The following HEBP1 variants were observed in gnomAD, a reference collection of about 807,000 sequenced individuals.
The protein encoded by HEBP1 is heme-binding protein 1.
A neutral mutation model predicts 20.4 loss-of-function variants in HEBP1; 13 were observed. The ratio of observed to expected loss-of-function variants is 0.64; its 90% CI spans 0.42 to 1.01. HEBP1 has a LOEUF of 1.01. Ranked by LOEUF, HEBP1 falls within the 50% of genes least tolerant of loss-of-function variation. The probability of loss-of-function intolerance (pLI) is 0.00; values close to 1 mark genes in which losing one functional copy is unlikely to be tolerated. For missense variants in HEBP1, 241 were observed against 247.3 expected (o/e 0.97, Z 0.17); for synonymous variants, 92 against 90.7 (o/e 1.01, Z -0.08).
intron 3 of HEBP1, among the ~76,000 whole-genome samples, chr12:12,981,890 A>G (rs1387402021): frequency 6.6e-6 from 1 of 152,232 alleles, no homozygotes; most frequent in African/African-American, 2.4e-5. Context: ...AGCTGAAGCT[A>G]TGATGGGGAC....
chr12:12,999,305 CAAT>C (rs1864326426), intron 1 of HEBP1, among the ~76,000 whole-genome samples: 1 of 152,134 alleles, frequency 6.6e-6, no homozygotes, highest in Middle Eastern at 3.2e-3. Context: ...AGATGAACAA[CAAT>C]AATAAAATAA....
intron 3 of HEBP1, among the ~76,000 whole-genome samples, chr12:12,976,231 T>C (rs975798750): frequency 6.6e-6 from 1 of 152,340 alleles, no homozygotes; most frequent in East Asian, 1.9e-4. Flanking sequence ...TCATAAATCC[T>C]TTCTTCTGCT....
chr12:12,987,040 A>T, intron 3 of HEBP1, 112 bp downstream of exon 3: 1 of 816,868 alleles, frequency 1.2e-6, no homozygotes, highest in Non-Finnish European at 2.0e-6. Flanking sequence ...TTTCCTACTT[A>T]AATTAATTCA....
chr12:12,999,966 G>A (rs896633559), intron 1 of HEBP1, 71 bp downstream of exon 1: 2 of 1,076,856 alleles, frequency 1.9e-6, no homozygotes, highest in South Asian at 1.4e-5. Context: ...CTCAGCACCC[G>A]CTGCAGCCCC....
At chr12:12,984,466 C>G (rs1026948205) in intron 3 of HEBP1, 6 of 152,182 alleles carry the variant, frequency 3.9e-5, no homozygotes, top group African/African-American at 1.2e-4. Context: ...TTAGTTTCAA[C>G]TACTAATTTA....
rs114277057 is a variant in HEBP1 at position 12,993,648 on chromosome 12, A to G, written c.79-4233T>C. Among the ~76,000 whole-genome samples the G allele has an allele frequency of 2.9e-3, 443 of 152,244 alleles. 2 individuals carry two copies. The highest frequency in any genetic ancestry group is 0.01 in the African/African-American group (430 of 41,534). ...AGAGGTATCAGAAGTCATTTTACGC[A>G]GTTACTTCTTTTACAAATGGGAAGA... is the stretch of plus-strand genomic sequence containing the variant. On this transcript the variant is annotated intron_variant, in intron 1 of 3. Transcript: ENST00000014930.
Position 12,986,920 on chromosome 12 carries a change from G to A in HEBP1, c.398+232C>T. 4.0e-6 allele frequency: 2 copies of A among 505,806 alleles called. No homozygotes were observed. The highest frequency in any genetic ancestry group is 7.1e-6 in the Non-Finnish European group (2 of 283,254). 31.3% of individuals were successfully genotyped at this position (505,806 alleles called of 1,614,324 possible). ...CACTGTAAGCTTAAGCAAAGCTTAA[G>A]CTCGTCCCATCAATTTGGCAACTGG... is the stretch of plus-strand genomic sequence containing the variant. On this transcript the variant is annotated intron_variant, in intron 3 of 3. Coordinates refer to ENST00000014930, the MANE Select transcript of HEBP1 (RefSeq NM_015987.5). This position sits in a 1 kb window ranked among gnomAD's most constrained non-coding sequence, Gnocchi z 4.3.
At chr12:12,987,434 T>C in intron 2 of HEBP1, 102 bp from the exon 3 acceptor site, 1 of 894,538 alleles carries the variant, frequency 1.1e-6, no homozygotes, top group Non-Finnish European at 1.7e-6. Flanking sequence ...AGTGGTATGT[T>C]TTTGTTCTTG....
chr12:12,993,102 C>G (rs1231316355), intron 1 of HEBP1, among the ~76,000 whole-genome samples: 1 of 152,004 alleles, frequency 6.6e-6, no homozygotes, highest in Non-Finnish European at 1.5e-5. Context: ...CTCTCTCTGT[C>G]TTTCTTTTTT....
At position 12,989,339 on chromosome 12, in the gene HEBP1, T is replaced by A; in HGVS notation, c.155A>T (p.Asp52Val). 1 of 1,614,210 alleles carries A rather than the reference T, an allele frequency of 6.2e-7. No homozygotes were observed. The highest frequency in any genetic ancestry group is 8.5e-7 in the Non-Finnish European group (1 of 1,180,026). ...ATVEVTDKPV[D>V]EALREAMPKV... ...GGGCATTGCTTCCCGTAGAGCCTCATCCACAGGCTTATCTGTCACTTCTAC... is the reference window on the plus strand; with the variant it reads ...GGGCATTGCTTCCCGTAGAGCCTCAACCACAGGCTTATCTGTCACTTCTAC... The change falls in exon 2 of 4, where the codon GAT (aspartate) becomes GTT (valine). Residue 52 changes from aspartate (D) to valine (V), a missense_variant. Asp to Val is a radical substitution (Grantham distance 152). Transcript: ENST00000014930.
Position 12,976,088 on chromosome 12 carries a change from A to C in HEBP1, c.399-609T>G, listed in dbSNP as rs576002661. ...ACAAGACCCTGTGTCAAAAAAAAAA[A>C]AAAAAAAAAAACAAACCAAAAACCA... On this transcript the variant is annotated intron_variant, in intron 3 of 3. Transcript: ENST00000014930. Among the ~76,000 whole-genome samples the C allele has an allele frequency of 1.3e-4, 19 of 151,628 alleles. No individual in the cohort carries two copies. The East Asian group carries it at 2.7e-3, about 22-fold the overall frequency.
intron 3 of HEBP1, chr12:12,983,605 G>T: frequency 6.8e-6 from 3 of 444,088 alleles, no homozygotes; most frequent in South Asian, 4.7e-5. Flanking sequence ...CCACTGCAGG[G>T]TAATTTTGAA....
chr12:12,984,454 C>T (rs1013835101), intron 3 of HEBP1: 3 of 152,208 alleles, frequency 2.0e-5, no homozygotes, highest in Admixed American at 6.5e-5. Flanking sequence ...CTGATCTAGT[C>T]TTTAGTTTCA....
At chr12:12,981,923 A>G (rs2136541010) in intron 3 of HEBP1, among the ~76,000 whole-genome samples, 1 of 152,268 alleles carries the variant, frequency 6.6e-6, no homozygotes, top group East Asian at 1.9e-4. Flanking sequence ...GGGACAGAGC[A>G]GAGAGAGAGA....
chr12:12,984,835 G>C (rs1230759548), intron 3 of HEBP1, among the ~76,000 whole-genome samples: 1 of 151,854 alleles, frequency 6.6e-6, no homozygotes, highest in East Asian at 1.9e-4. Flanking sequence ...ATCTGACTTG[G>C]ATCCAGATTC....
intron 3 of HEBP1, among the ~76,000 whole-genome samples, chr12:12,978,534 G>A (rs958574174): frequency 7.2e-5 from 11 of 152,070 alleles, no homozygotes; most frequent in Non-Finnish European, 1.5e-4. Flanking sequence ...GGACTGGCAC[G>A]ATCCAATTGT....
Position 12,997,531 on chromosome 12 carries a change from G to C in HEBP1, c.78+2506C>G, listed in dbSNP as rs1051899114. 4.6e-5 allele frequency among the ~76,000 whole-genome samples: 7 copies of C among 152,258 alleles called. No homozygotes were observed. The South Asian group carries it at 1.5e-3, about 32-fold the overall frequency. On this transcript the variant is annotated intron_variant, in intron 1 of 3. Transcript: ENST00000014930. ...GCCACAGAGAAGCTCCTAGTAGTATGGATCTGATGGGGTGGAGAAGGAGGA... is the reference window on the plus strand; with the variant it reads ...GCCACAGAGAAGCTCCTAGTAGTATCGATCTGATGGGGTGGAGAAGGAGGA...
rs552273322 is a variant in HEBP1, at chr12:12,988,081, T to A, written c.218-749A>T. Among the ~76,000 whole-genome samples, 7 of 152,298 alleles carry A rather than the reference T, an allele frequency of 4.6e-5. No homozygotes were observed. In the East Asian group the frequency reaches 1.3e-3, roughly 29 times the overall value. On this transcript the variant is annotated intron_variant, in intron 2 of 3. Coordinates refer to ENST00000014930, the MANE Select transcript of HEBP1 (RefSeq NM_015987.5). Reference sequence around the variant, plus strand: ...ATTACAGACACATGATACAATATAATGTAGCTAGGAATTATGCTTAAGAAG... The same window carrying A: ...ATTACAGACACATGATACAATATAAAGTAGCTAGGAATTATGCTTAAGAAG...
intron 3 of HEBP1, among the ~76,000 whole-genome samples, chr12:12,976,585 T>C (rs1265084961): frequency 1.3e-5 from 2 of 152,240 alleles, no homozygotes; most frequent in Non-Finnish European, 2.9e-5. Context: ...TTTGCTCTTT[T>C]ACAAGTGGTT....
Sources: gnomAD v4.1 joint callset for allele counts (sites outside exome capture counted in the v4.1 genomes callset) on GRCh38, gnomAD v4.1.1 for gene constraint, Gnocchi (gnomAD v3.1) non-coding constraint, MANE v1.5 for transcripts, NCBI Gene and HGNC (gene_info 2026-07-23, HGNC 2026-07-21) for gene names.